SUSD5: variants seen among roughly 807,000 people sequenced by gnomAD.
The protein encoded by SUSD5 is sushi domain-containing protein 5.
In SUSD5, 33 loss-of-function variants were observed where a neutral mutation model predicts 29.5. The observed-to-expected ratio is 1.12, with a 90% CI of 0.85 to 1.49. The LOEUF (loss-of-function observed/expected upper bound fraction) is 1.49, where lower values mean the gene tolerates loss of function less well. Among genes scored for constraint, SUSD5 ranks in the 40% most tolerant of loss-of-function variants. SUSD5 has a pLI of 0.00. For synonymous variants in SUSD5, 308 were observed against 325.3 expected (o/e 0.95, Z 0.57); for missense variants, 776 against 800.6 (o/e 0.97, Z 0.37).
Position 33,152,777 on chromosome 3 carries a change from G to A in SUSD5, c.1855C>T (p.His619Tyr). The A allele has an allele frequency of 1.2e-6, 2 of 1,613,250 alleles. No homozygotes were observed. Among genetic ancestry groups the A allele is most frequent in the Non-Finnish European group, 1.7e-6 (2 of 1,179,430 alleles). The change falls in exon 5 of 5, where the codon CAC becomes TAC. Residue 619 changes from histidine (H) to tyrosine (Y), a missense_variant. His to Tyr is a moderately conservative substitution (Grantham distance 83). Transcript: ENST00000309558. ...TCCATCTCGATCTGCTGGTGGTAGT[G>A]CCGAGCCTGCCGCTGGCCAACATTC... The part of the protein sequence containing the change: ...KLNVGQRQAR[H>Y]YHQQIEMEKV
At chr3:33,186,602 T>C (rs1038418778) in intron 3 of SUSD5, among the ~76,000 whole-genome samples, 23 of 152,022 alleles carry the variant, frequency 1.5e-4, no homozygotes, top group African/African-American at 5.5e-4. Context: ...AATTTTTGTA[T>C]TTTTAGTACA....
Position 33,218,716 on chromosome 3 carries a change from C to G in SUSD5, c.82G>C (p.Gly28Arg). The G allele has an allele frequency of 1.5e-6, 2 of 1,329,470 alleles. No individual in the cohort carries two copies. Among genetic ancestry groups the G allele is most frequent in the Non-Finnish European group, 1.9e-6 (2 of 1,042,524 alleles). 82.4% of individuals were successfully genotyped at this position (1,329,470 alleles called of 1,614,324 possible). ...GCCCGCACCGAAAGGCGCGGCAGAC[C>G]GAGCAGGAGCAGCGCCGCCGCCCAG... ...GLWAAALLLLGLPRLSVRADG... is the reference protein window; with the variant it reads ...GLWAAALLLLRLPRLSVRADG... Residue 28 changes from glycine (G) to arginine (R), a missense_variant, in exon 1 of 5, where the codon GGT (glycine) becomes CGT (arginine). Coordinates refer to ENST00000309558, the MANE Select transcript of SUSD5 (RefSeq NM_015551.2).
rs188845526 is a variant in SUSD5, at chr3:33,167,817, A to G, written c.598+7069T>C. Among the ~76,000 whole-genome samples, 3 of 152,246 alleles carry G rather than the reference A, an allele frequency of 2.0e-5. No individual in the cohort carries two copies. In the East Asian group the frequency reaches 5.8e-4, roughly 29 times the overall value. ...AGCTCTCTGCCTGTGGAGGTACTGT[A>G]TCTCTCACCTCCCCTCTGCTTTCCT... On this transcript the variant is annotated intron_variant, in intron 4 of 4. Coordinates refer to ENST00000309558, the MANE Select transcript of SUSD5 (RefSeq NM_015551.2). This position sits in a 1 kb window ranked among gnomAD's most constrained non-coding sequence, Gnocchi z 4.1.
At chr3:33,158,143 T>C (rs7636291) in intron 4 of SUSD5, among the ~76,000 whole-genome samples, 127,422 of 152,226 alleles carry the variant, frequency 0.84, 53,829 homozygotes, top group East Asian at 0.99. Flanking sequence ...TTCTCTTCAT[T>C]GCTACCTTAA....
intron 3 of SUSD5, among the ~76,000 whole-genome samples, chr3:33,176,197 A>G (rs1187302083): frequency 6.6e-6 from 1 of 152,178 alleles, no homozygotes; most frequent in Non-Finnish European, 1.5e-5. Flanking sequence ...TTAGCACTGA[A>G]TATTATTCCA....
At chr3:33,216,911 A>G (rs921448715) in intron 1 of SUSD5, among the ~76,000 whole-genome samples, 6 of 152,198 alleles carry the variant, frequency 3.9e-5, no homozygotes, top group Non-Finnish European at 1.5e-5. Context: ...ACTATAAGGA[A>G]GTATACCTAT....
intron 3 of SUSD5, among the ~76,000 whole-genome samples, chr3:33,200,843 T>C (rs1021807143): frequency 5.3e-5 from 8 of 152,182 alleles, no homozygotes; most frequent in Non-Finnish European, 8.8e-5. Flanking sequence ...TAGGGTCTTA[T>C]GGAAGGCAGA....
chr3:33,156,556 T>C (rs1482173063), intron 4 of SUSD5, among the ~76,000 whole-genome samples: 1 of 152,168 alleles, frequency 6.6e-6, no homozygotes, highest in Non-Finnish European at 1.5e-5. Context: ...CCTTTGACCT[T>C]CCCCTCTCTC....
chr3:33,201,353 G>A (rs923130719), intron 3 of SUSD5, among the ~76,000 whole-genome samples: 1 of 152,180 alleles, frequency 6.6e-6, no homozygotes, highest in African/African-American at 2.4e-5. Flanking sequence ...CTGACCACAC[G>A]GACAGGTCCA....
chr3:33,217,145 A>G (rs998528401), intron 1 of SUSD5, among the ~76,000 whole-genome samples: 1 of 152,220 alleles, frequency 6.6e-6, no homozygotes, highest in African/African-American at 2.4e-5. Flanking sequence ...TTATAATGGG[A>G]TGAAACTCTA....
chr3:33,160,256 T>C, intron 4 of SUSD5, among the ~76,000 whole-genome samples: 1 of 152,106 alleles, frequency 6.6e-6, no homozygotes, highest in South Asian at 2.1e-4. Context: ...ATTACAGGCA[T>C]GAGTCACCAT....
At chr3:33,203,596 G>A (rs1487245984) in intron 3 of SUSD5, among the ~76,000 whole-genome samples, 4 of 152,226 alleles carry the variant, frequency 2.6e-5, no homozygotes, top group Non-Finnish European at 5.9e-5. Context: ...ATGCCAACAG[G>A]TGTCACGGGA....
At position 33,150,383 on chromosome 3, in the gene SUSD5, TTAA is replaced by T. The variant is rs1376832673; in HGVS notation, c.*2356_*2358del. On this transcript the variant is annotated 3_prime_UTR_variant, in exon 5 of 5. Transcript: ENST00000309558. ...GTAATAAATTTATTAATACACTGTA[TTAA>T]TATTGCCTATTTGTTGGTATAAATC... is the stretch of plus-strand genomic sequence containing the variant. 1.3e-5 allele frequency: 2 copies of T among 152,222 alleles called. No homozygotes were observed. Among genetic ancestry groups the T allele is most frequent in the African/African-American group, 4.8e-5 (2 of 41,460 alleles). 9.4% of individuals were successfully genotyped at this position (152,222 alleles called of 1,614,324 possible). A position where few individuals can be genotyped will look rare whatever the true frequency, so the allele number is the denominator to read the frequency against.
At chr3:33,186,688 G>C (rs1238061874) in intron 3 of SUSD5, among the ~76,000 whole-genome samples, 1 of 152,106 alleles carries the variant, frequency 6.6e-6, no homozygotes, top group Non-Finnish European at 1.5e-5. Flanking sequence ...GCCTCCCAAA[G>C]TCCTGGGATT....
chr3:33,163,790 G>A (rs1188386699), intron 4 of SUSD5, among the ~76,000 whole-genome samples: 1 of 152,188 alleles, frequency 6.6e-6, no homozygotes, highest in Non-Finnish European at 1.5e-5. Context: ...GAGGTCAGGA[G>A]ATCGAGACCA....
intron 4 of SUSD5, among the ~76,000 whole-genome samples, chr3:33,161,974 T>A (rs2031199129): frequency 1.3e-5 from 2 of 152,156 alleles, no homozygotes; most frequent in South Asian, 4.1e-4. Flanking sequence ...ATTTAATAAA[T>A]ATGACTTCTT....
rs1272300541 is a variant in SUSD5, at chr3:33,213,915, T to A, written c.290+13A>T. The A allele has an allele frequency of 1.9e-6, 3 of 1,577,172 alleles. No individual in the cohort carries two copies. The African/African-American group carries it at 4.1e-5, about 21-fold the overall frequency. ...CTGGGGTGAGTTGGAAAAGGAGTGC[T>A]CGCCTAACTTACCCAAGAGTACCAT... is the stretch of plus-strand genomic sequence containing the variant. On this transcript the variant is annotated intron_variant, in intron 2 of 4. Transcript: ENST00000309558.
At position 33,164,458 on chromosome 3, in the gene SUSD5, TGAA is replaced by T. The variant is rs906037410; in HGVS notation, c.598+10425_599-10426del. Among the ~76,000 whole-genome samples, 11 of 152,202 alleles carry T rather than the reference TGAA, an allele frequency of 7.2e-5. No individual in the cohort carries two copies. The East Asian group carries it at 1.2e-3, about 16-fold the overall frequency. On this transcript the variant is annotated intron_variant, in intron 4 of 4. Transcript: ENST00000309558. ...GCTTAACACTACTTATCTGCACACT[TGAA>T]GATGGTTAAGATGGTAAATTTTATG... is the stretch of plus-strand genomic sequence containing the variant.
intron 3 of SUSD5, among the ~76,000 whole-genome samples, chr3:33,193,888 C>G (rs2031945244): frequency 6.6e-6 from 1 of 152,148 alleles, no homozygotes; most frequent in African/African-American, 2.4e-5. Context: ...CAAACCCCCC[C>G]ACCACTTGCC....
Sources: gnomAD v4.1 joint callset for allele counts (sites outside exome capture counted in the v4.1 genomes callset) on GRCh38, gnomAD v4.1.1 for gene constraint, Gnocchi (gnomAD v3.1) non-coding constraint, MANE v1.5 for transcripts, NCBI Gene and HGNC (gene_info 2026-07-23, HGNC 2026-07-21) for gene names.